MTCH1: variants seen among roughly 807,000 people sequenced by gnomAD.
MTCH1 encodes mitochondrial carrier homolog 1.
Under a neutral mutation model 49.3 loss-of-function variants are expected in MTCH1, and 23 were observed. That is an observed-to-expected ratio of 0.47 (90% CI 0.34 to 0.66). The LOEUF is 0.66. Among genes scored for constraint, MTCH1 ranks in the 30% least tolerant of loss-of-function variants. The pLI is 0.01. For missense variants in MTCH1, 397 were observed against 532.1 expected, an observed-to-expected ratio of 0.75 and a Z score of 2.50; for synonymous variants, 229 against 215.2, an observed-to-expected ratio of 1.06 and a Z score of -0.56.
intron 11 of MTCH1, 67 bp downstream of exon 11, chr6:36,969,971 CA>C (rs762618323): frequency 1.3e-6 from 2 of 1,590,406 alleles, no homozygotes; most frequent in Non-Finnish European, 1.7e-6. Context: ...GAAGCATCCA[CA>C]AAACCATTTC....
In MTCH1 at chr6:36,982,537, G is replaced by T. The variant is rs753191034; in HGVS notation, c.322-865C>A. 6.6e-6 allele frequency among the ~76,000 whole-genome samples: 1 copy of T among 151,974 alleles called. No homozygotes were observed. The highest frequency in any genetic ancestry group is 1.5e-5 in the Non-Finnish European group (1 of 67,982). On this transcript the variant is annotated intron_variant, in intron 1 of 11. Transcript: ENST00000373627. This position sits in a 1 kb window ranked among gnomAD's most constrained non-coding sequence, Gnocchi z 4.1. ...CAAGTAGCTGGGAATACAAGCACCC[G>T]CCACCATACCCGGCAAATTTTTTGT...
At chr6:36,971,993 G>C (rs1275358684) in intron 8 of MTCH1, among the ~76,000 whole-genome samples, 1 of 152,182 alleles carries the variant, frequency 6.6e-6, no homozygotes, top group Non-Finnish European at 1.5e-5. Context: ...CCGACCTGCT[G>C]AAAGGTCTAT....
chr6:36,977,616 G>A lies in MTCH1; in HGVS notation c.649+18C>T, dbSNP rs759172901. The stretch of plus-strand genomic sequence containing the variant: ...ACGCCAGCTTAGATACAGTCTCGGG[G>A]GAAGGGGGGTGGCTTACCATGCAGG... On this transcript the variant is annotated intron_variant, in intron 5 of 11. Coordinates refer to ENST00000373627, the MANE Select transcript of MTCH1 (RefSeq NM_001271641.2). This position sits in a 1 kb window ranked among gnomAD's most constrained non-coding sequence, Gnocchi z 5.4. 21 of 1,570,928 alleles carry A rather than the reference G, an allele frequency of 1.3e-5. No individual in the cohort carries two copies. The highest frequency in any genetic ancestry group is 1.7e-5 in the Non-Finnish European group (19 of 1,145,378).
At chr6:36,984,743 G>A (rs1764234449) in intron 1 of MTCH1, among the ~76,000 whole-genome samples, 1 of 152,044 alleles carries the variant, frequency 6.6e-6, no homozygotes, top group African/African-American at 2.4e-5. Flanking sequence ...CACTTCATCT[G>A]TACCGCATTG....
rs1192763003 is a variant in MTCH1 at position 36,968,845 on chromosome 6, G to A, written c.*58C>T. ...GGAGTCGTCTTGCAGGTGTCCCAAG[G>A]TGGTCAGGCCTCACCCACGGTGGCC... is the stretch of plus-strand genomic sequence containing the variant. On this transcript the variant is annotated 3_prime_UTR_variant, in exon 12 of 12. Transcript: ENST00000373627. 1 of 1,612,026 alleles carries A rather than the reference G, an allele frequency of 6.2e-7. No individual in the cohort carries two copies.
Position 36,981,643 on chromosome 6 carries a change from A to G in MTCH1, c.351T>C (p.Leu117=). The change falls in exon 2 of 12, where the codon CTT becomes CTC. Residue 117 remains leucine (L), a synonymous_variant. Coordinates refer to ENST00000373627, the MANE Select transcript of MTCH1 (RefSeq NM_001271641.2). The stretch of plus-strand genomic sequence containing the variant: ...CCTTCCTCCCCAGCACATTGGTCCC[A>G]AGGGTGGGGGGCATCGGCTCATGAC... The part of the protein sequence containing the change: ...QVGHEPMPPT[L]GTNVLGRKVL... 2.5e-6 allele frequency: 4 copies of G among 1,613,816 alleles called. No homozygotes were observed. Among genetic ancestry groups the G allele is most frequent in the Non-Finnish European group, 3.4e-6 (4 of 1,179,868 alleles).
At chr6:36,971,444 C>T (rs1721347213) in intron 8 of MTCH1, among the ~76,000 whole-genome samples, 1 of 152,184 alleles carries the variant, frequency 6.6e-6, no homozygotes, top group Admixed American at 6.5e-5. Context: ...TAGCGGTGCA[C>T]TCCTGGCCAC....
chr6:36,974,113 TATAA>T (rs1002625932), intron 7 of MTCH1, among the ~76,000 whole-genome samples: 16 of 152,364 alleles, frequency 1.1e-4, no homozygotes, highest in Admixed American at 1.0e-3. Context: ...TATATGTATG[TATAA>T]ATACTTACAC....
rs1330815241 is a variant in MTCH1 at position 36,968,813 on chromosome 6, T to C, written c.*90A>G. 3.2e-6 allele frequency: 5 copies of C among 1,576,932 alleles called. No homozygotes were observed. The highest frequency in any genetic ancestry group is 3.4e-5 in the Admixed American group (2 of 58,902). On this transcript the variant is annotated 3_prime_UTR_variant, in exon 12 of 12. Coordinates refer to ENST00000373627, the MANE Select transcript of MTCH1 (RefSeq NM_001271641.2). ...TGGGCTGGAGCACATCTGGTTGTTG[T>C]TGGGTTGGAGTCGTCTTGCAGGTGT... is the stretch of plus-strand genomic sequence containing the variant.
chr6:36,968,895 G>A lies in MTCH1; in HGVS notation c.*8C>T, dbSNP rs548014532. Reference sequence around the variant, plus strand: ...CAGGTTGAGACCGTGTTTTTTAGATGATTCAGGTTACTCCAGGGCAAAGCA... The same window carrying A: ...CAGGTTGAGACCGTGTTTTTTAGATAATTCAGGTTACTCCAGGGCAAAGCA... On this transcript the variant is annotated 3_prime_UTR_variant, in exon 12 of 12. Transcript: ENST00000373627. 5 of 1,614,034 alleles carry A rather than the reference G, an allele frequency of 3.1e-6. No homozygotes were observed. The highest frequency in any genetic ancestry group is 2.7e-5 in the African/African-American group (2 of 75,044).
intron 7 of MTCH1, among the ~76,000 whole-genome samples, chr6:36,975,135 C>CCG (rs1763824437): frequency 6.6e-6 from 1 of 152,236 alleles, no homozygotes; most frequent in Non-Finnish European, 1.5e-5. Context: ...ACAGAAAGAA[C>CCG]CGCTCAGCAG....
At chr6:36,973,441 G>A (rs183938923) in intron 7 of MTCH1, among the ~76,000 whole-genome samples, 369 of 152,196 alleles carry the variant, frequency 2.4e-3, no homozygotes, top group Middle Eastern at 0.01. Flanking sequence ...CCAGGAGAAG[G>A]ATGGCTGTCT....
chr6:36,972,924 G>A lies in MTCH1; in HGVS notation c.762-128C>T, dbSNP rs1763732853. On this transcript the variant is annotated intron_variant, in intron 7 of 11. Transcript: ENST00000373627. The surrounding 1 kb of genome is among the most constrained non-coding windows in gnomAD (Gnocchi z 4.1). The stretch of plus-strand genomic sequence containing the variant: ...TAGCATATCCAATGGCACAGCCTTA[G>A]AAAGGAGGCCTGCAGGGTCCAGCAG... 1 of 947,332 alleles carries A rather than the reference G, an allele frequency of 1.1e-6. No homozygotes were observed. Among genetic ancestry groups the A allele is most frequent in the Non-Finnish European group, 1.6e-6 (1 of 633,770 alleles). 58.7% of individuals were successfully genotyped at this position (947,332 alleles called of 1,614,324 possible). A position where few individuals can be genotyped will look rare whatever the true frequency, so the allele number is the denominator to read the frequency against.
At chr6:36,978,374 C>T in intron 3 of MTCH1, 131 bp downstream of exon 3, 3 of 970,346 alleles carry the variant, frequency 3.1e-6, no homozygotes, top group South Asian at 3.1e-5. Context: ...GGGAGCTCCC[C>T]CATGGGGCTG....
In MTCH1 at chr6:36,986,183, C is replaced by G. The variant is rs901810795; in HGVS notation, c.-10G>C. The G allele has an allele frequency of 2.6e-5, 37 of 1,423,334 alleles. 1 individual carries two copies. Among genetic ancestry groups the G allele is most frequent in the Non-Finnish European group, 3.3e-5 (36 of 1,097,224 alleles). 88.2% of individuals were successfully genotyped at this position (1,423,334 alleles called of 1,614,324 possible). On this transcript the variant is annotated 5_prime_UTR_variant, in exon 1 of 12. Coordinates refer to ENST00000373627, the MANE Select transcript of MTCH1 (RefSeq NM_001271641.2). Reference sequence around the variant, plus strand: ...GGTCCGAAGCTCCCATGGCGCCCGGCGGCGAGGTCACTCCCCGTCACGTGA... The same window carrying G: ...GGTCCGAAGCTCCCATGGCGCCCGGGGGCGAGGTCACTCCCCGTCACGTGA...
intron 7 of MTCH1, among the ~76,000 whole-genome samples, chr6:36,974,867 T>G (rs981006857): frequency 1.3e-5 from 2 of 152,214 alleles, no homozygotes; most frequent in Middle Eastern, 3.2e-3. Context: ...GTATACCATG[T>G]GTCTACCACG....
At chr6:36,985,256 C>A (rs1764255256) in intron 1 of MTCH1, among the ~76,000 whole-genome samples, 1 of 152,130 alleles carries the variant, frequency 6.6e-6, no homozygotes, top group Non-Finnish European at 1.5e-5. Flanking sequence ...TCTGTCCACC[C>A]CCAGTCTGGT....
At chr6:36,978,197 T>C (rs766265165) in intron 3 of MTCH1, 42 bp from the exon 4 acceptor site, 16 of 1,532,634 alleles carry the variant, frequency 1.0e-5, no homozygotes, top group Non-Finnish European at 1.1e-5. Flanking sequence ...GCTACGCCTC[T>C]TCCATGGAAC....
intron 8 of MTCH1, chr6:36,970,942 C>G (rs1200574974): frequency 1.4e-5 from 8 of 558,370 alleles, no homozygotes; most frequent in Non-Finnish European, 2.6e-5. Flanking sequence ...GTGCAACCCA[C>G]CGGACTGTGA....
Sources: gnomAD v4.1 joint callset for allele counts (sites outside exome capture counted in the v4.1 genomes callset) on GRCh38, gnomAD v4.1.1 for gene constraint, Gnocchi (gnomAD v3.1) non-coding constraint, MANE v1.5 for transcripts, NCBI Gene and HGNC (gene_info 2026-07-23, HGNC 2026-07-21) for gene names.